The following RBFOX1 variants were observed in gnomAD, a reference collection of about 807,000 sequenced individuals.
RBFOX1 encodes RNA binding protein fox-1 homolog 1.
A neutral mutation model predicts 57.7 loss-of-function variants in RBFOX1; 8 were observed. The ratio of observed to expected loss-of-function variants is 0.14; its 90% CI spans 0.08 to 0.25. RBFOX1 has a LOEUF of 0.25. Ranked by LOEUF, RBFOX1 falls within the 10% of genes least tolerant of loss-of-function variation. The pLI is 1.00. For synonymous variants in RBFOX1, 326 were observed against 222.4 expected (o/e 1.47, Z -4.15); for missense variants, 611 against 548.5 (o/e 1.11, Z -1.14).
At chr16:7,172,467 C>G (rs1407102531) in intron 4 of RBFOX1, among the ~76,000 whole-genome samples, 1 of 152,178 alleles carries the variant, frequency 6.6e-6, no homozygotes, top group Non-Finnish European at 1.5e-5. Context: ...CTCCCACAAC[C>G]ACCCTTTGAT....
intron 3 of RBFOX1, among the ~76,000 whole-genome samples, chr16:6,877,677 A>G (rs182819603): frequency 6.6e-6 from 1 of 152,200 alleles, no homozygotes; most frequent in Non-Finnish European, 1.5e-5. Flanking sequence ...CAGAGCAAGG[A>G]TTGCTATTCT....
intron 3 of RBFOX1, among the ~76,000 whole-genome samples, chr16:5,806,537 CT>C (rs1426259558): frequency 6.6e-6 from 1 of 152,192 alleles, no homozygotes; most frequent in Non-Finnish European, 1.5e-5. Flanking sequence ...TGAGGATGAA[CT>C]TTCAACAGGA....
intron 4 of RBFOX1, among the ~76,000 whole-genome samples, chr16:7,355,194 C>G (rs900801015): frequency 1.3e-5 from 2 of 152,094 alleles, no homozygotes; most frequent in African/African-American, 4.8e-5. Context: ...ATTTGAATCC[C>G]CATCAGTTGG....
At chr16:6,850,195 T>G (rs1241616696) in intron 3 of RBFOX1, among the ~76,000 whole-genome samples, 1 of 152,190 alleles carries the variant, frequency 6.6e-6, no homozygotes. Flanking sequence ...TGAATTCAGT[T>G]GTTCCTCAAA....
At chr16:6,290,314 G>A (rs56193200) in intron 1 of RBFOX1, among the ~76,000 whole-genome samples, 2,259 of 106,946 alleles carry the variant, frequency 0.021, 47 homozygotes, top group Middle Eastern at 0.064. Flanking sequence ...ATCATTAGAG[G>A]TAACCTGTGG....
At chr16:5,457,850 C>T (rs1026884323) in intron 1 of RBFOX1, among the ~76,000 whole-genome samples, 2 of 152,146 alleles carry the variant, frequency 1.3e-5, no homozygotes, top group South Asian at 2.1e-4. Context: ...TTCCTTCTTT[C>T]TTCCCAGCAG....
chr16:7,034,568 A>C (rs1290766046), intron 3 of RBFOX1, among the ~76,000 whole-genome samples: 1 of 152,018 alleles, frequency 6.6e-6, no homozygotes, highest in African/African-American at 2.4e-5. Context: ...GAGCCTTGAA[A>C]TTTTAACTTC....
chr16:6,036,317 G>C (rs918275879), intron 1 of RBFOX1, among the ~76,000 whole-genome samples: 1 of 152,112 alleles, frequency 6.6e-6, no homozygotes, highest in African/African-American at 2.4e-5. Context: ...GGCTGCTCTG[G>C]GAAGGCAACA....
chr16:6,213,978 T>C (rs2097315010), intron 1 of RBFOX1, among the ~76,000 whole-genome samples: 2 of 152,222 alleles, frequency 1.3e-5, no homozygotes, highest in South Asian at 4.1e-4. Flanking sequence ...AAAATGGCTC[T>C]AGATATTGAC....
intron 3 of RBFOX1, among the ~76,000 whole-genome samples, chr16:5,730,456 A>C (rs2052324527): frequency 6.6e-6 from 1 of 152,142 alleles, no homozygotes; most frequent in Non-Finnish European, 1.5e-5. Context: ...GCGCACACAC[A>C]CTGGAGCTGT....
At chr16:5,857,037 AGTTT>A (rs2057089643) in intron 3 of RBFOX1, among the ~76,000 whole-genome samples, 1 of 152,144 alleles carries the variant, frequency 6.6e-6, no homozygotes, top group Non-Finnish European at 1.5e-5. Flanking sequence ...TTTCTCACAA[AGTTT>A]AATCATTAGT....
chr16:5,893,209 C>G (rs1044749824), intron 4 of RBFOX1, among the ~76,000 whole-genome samples: 1 of 152,220 alleles, frequency 6.6e-6, no homozygotes, highest in Non-Finnish European at 1.5e-5. Flanking sequence ...CCTCACATAG[C>G]TTTGAATGCC....
chr16:7,697,169 G>A (rs1028758161), intron 14 of RBFOX1, among the ~76,000 whole-genome samples: 2 of 152,194 alleles, frequency 1.3e-5, no homozygotes, highest in Non-Finnish European at 2.9e-5. Context: ...CAATGGGGGG[G>A]CCCTTACAGC....
At chr16:7,156,950 G>A (rs1030650396) in intron 4 of RBFOX1, among the ~76,000 whole-genome samples, 2 of 152,066 alleles carry the variant, frequency 1.3e-5, no homozygotes, top group East Asian at 3.9e-4. Context: ...TCTCTTTACA[G>A]CAAAAAGTGC....
At chr16:6,949,163 C>A (rs567529451) in intron 3 of RBFOX1, among the ~76,000 whole-genome samples, 41 of 152,094 alleles carry the variant, frequency 2.7e-4, no homozygotes, top group African/African-American at 8.0e-4. Context: ...TCCCCCACCC[C>A]CCTGAAAAGT....
At chr16:6,952,692 G>C (rs1018588441) in intron 3 of RBFOX1, among the ~76,000 whole-genome samples, 2 of 151,896 alleles carry the variant, frequency 1.3e-5, no homozygotes, top group Non-Finnish European at 2.9e-5. Context: ...ATTATCCTTG[G>C]TAGGGCCGGG....
chr16:7,322,299 T>G (rs1389394163), intron 4 of RBFOX1, among the ~76,000 whole-genome samples: 1 of 152,252 alleles, frequency 6.6e-6, no homozygotes, highest in Non-Finnish European at 1.5e-5. Flanking sequence ...CCATGTTGTT[T>G]GACCTTCTTG....
chr16:5,313,521 A>G (rs1242298849), intron 1 of RBFOX1, among the ~76,000 whole-genome samples: 1 of 152,070 alleles, frequency 6.6e-6, no homozygotes, highest in Non-Finnish European at 1.5e-5. Flanking sequence ...GTCCATATTC[A>G]TGCTGCTGAT....
chr16:7,454,162 G>T (rs1165573639), intron 4 of RBFOX1, among the ~76,000 whole-genome samples: 5 of 152,338 alleles, frequency 3.3e-5, no homozygotes, highest in Admixed American at 3.3e-4. Context: ...GAACTCAGGA[G>T]GCTGAGGTCC....
Sources: gnomAD v4.1 joint callset for allele counts (sites outside exome capture counted in the v4.1 genomes callset) on GRCh38, gnomAD v4.1.1 for gene constraint, MANE v1.5 for transcripts, NCBI Gene and HGNC (gene_info 2026-07-23, HGNC 2026-07-21) for gene names.